KSR2: variants seen among roughly 807,000 people sequenced by gnomAD.
The protein encoded by KSR2 is kinase suppressor of ras 2.
A neutral mutation model predicts 107.8 loss-of-function variants in KSR2; 25 were observed. That is an observed-to-expected ratio of 0.23 (90% CI 0.17 to 0.32). The LOEUF (loss-of-function observed/expected upper bound fraction) is 0.32, where lower values mean the gene tolerates loss of function less well. Among genes scored for constraint, KSR2 ranks in the 10% least tolerant of loss-of-function variants. KSR2 has a pLI of 1.00. For synonymous variants in KSR2, 480 were observed against 507.0 expected, an observed-to-expected ratio of 0.95 and a Z score of 0.71; for missense variants, 887 against 1,268.9, an observed-to-expected ratio of 0.70 and a Z score of 4.57.
chr12:117,950,725 A>G (rs886983070), intron 1 of KSR2, among the ~76,000 whole-genome samples: 1 of 144,404 alleles, frequency 6.9e-6, no homozygotes, highest in African/African-American at 2.6e-5. Flanking sequence ...TGGGTGACAG[A>G]GCAAGACTCT....
intron 4 of KSR2, among the ~76,000 whole-genome samples, chr12:117,745,925 T>C (rs1888390463): frequency 6.6e-6 from 1 of 151,952 alleles, no homozygotes; most frequent in Admixed American, 6.6e-5. Context: ...CTCAAGGAAA[T>C]AGGAGAGGAC....
rs188868609 is a variant in KSR2, at chr12:117,693,048, G to T, written c.987-25390C>A. On this transcript the variant is annotated intron_variant, in intron 4 of 19. Coordinates refer to ENST00000339824, the MANE Select transcript of KSR2 (RefSeq NM_173598.6). ...TTCAGTTTAAAGTGGTCGATCTCAC[G>T]TTATGTGAATTTCCACTTCAATCAT... 3.3e-5 allele frequency among the ~76,000 whole-genome samples: 5 copies of T among 152,282 alleles called. No homozygotes were observed. In the East Asian group the frequency reaches 9.7e-4, roughly 29 times the overall value.
At chr12:117,932,741 A>C (rs140929685) in intron 1 of KSR2, among the ~76,000 whole-genome samples, 4 of 152,042 alleles carry the variant, frequency 2.6e-5, no homozygotes, top group Non-Finnish European at 5.9e-5. Flanking sequence ...GGCCGGGTGC[A>C]GTGGCTCACG....
chr12:117,530,242 A>G (rs563877346), intron 12 of KSR2, among the ~76,000 whole-genome samples: 5 of 152,306 alleles, frequency 3.3e-5, no homozygotes, highest in African/African-American at 1.2e-4. Flanking sequence ...TTTTTAAAGA[A>G]TAGCCCACAT....
At chr12:117,769,346 G>A (rs1419653850) in intron 3 of KSR2, among the ~76,000 whole-genome samples, 1 of 152,074 alleles carries the variant, frequency 6.6e-6, no homozygotes, top group Non-Finnish European at 1.5e-5. Context: ...GGTAATGCAG[G>A]TCTGGAAGAG....
intron 1 of KSR2, among the ~76,000 whole-genome samples, chr12:117,900,021 G>GAGAATGCAGCTGC (rs1894634340): frequency 6.6e-6 from 1 of 152,186 alleles, no homozygotes; most frequent in Non-Finnish European, 1.5e-5. Context: ...CCAGCCTTCA[G>GAGAATGCAGCTGC]ATGAGAATGC....
At chr12:117,778,362 AT>A (rs2136936604) in intron 3 of KSR2, among the ~76,000 whole-genome samples, 1 of 152,272 alleles carries the variant, frequency 6.6e-6, no homozygotes, top group African/African-American at 2.4e-5. Context: ...TAGTGCTGGG[AT>A]TACAGGAGTG....
chr12:117,896,913 G>A (rs1894531123), intron 1 of KSR2, among the ~76,000 whole-genome samples: 1 of 152,158 alleles, frequency 6.6e-6, no homozygotes, highest in Non-Finnish European at 1.5e-5. Context: ...AAAATGGGTA[G>A]GCAGTCGTCA....
intron 1 of KSR2, among the ~76,000 whole-genome samples, chr12:117,881,303 T>C (rs188731062): frequency 1.2e-4 from 18 of 151,886 alleles, no homozygotes; most frequent in Non-Finnish European, 2.4e-4. Flanking sequence ...TTGTTTTGGT[T>C]TGTTTGAGGG....
At chr12:117,913,422 C>T (rs1895084227) in intron 1 of KSR2, among the ~76,000 whole-genome samples, 1 of 152,106 alleles carries the variant, frequency 6.6e-6, no homozygotes. Flanking sequence ...ATACCATCTC[C>T]CCCAAATTTA....
At chr12:117,670,522 C>G (rs940957000) in intron 4 of KSR2, among the ~76,000 whole-genome samples, 3 of 152,194 alleles carry the variant, frequency 2.0e-5, no homozygotes, top group African/African-American at 7.2e-5. Context: ...AACCCTACAT[C>G]ATCACCCACC....
chr12:117,643,042 C>T (rs2136410703), intron 5 of KSR2, among the ~76,000 whole-genome samples: 1 of 152,264 alleles, frequency 6.6e-6, no homozygotes, highest in South Asian at 2.1e-4. Flanking sequence ...TTTAAAATGC[C>T]AATCTAGAGA....
At chr12:117,616,387 G>C (rs1168906121) in intron 5 of KSR2, among the ~76,000 whole-genome samples, 1 of 152,102 alleles carries the variant, frequency 6.6e-6, no homozygotes, top group Non-Finnish European at 1.5e-5. Flanking sequence ...ATTTCGCATG[G>C]CTGTTCAATA....
At chr12:117,533,192 T>C (rs535034517) in intron 10 of KSR2, among the ~76,000 whole-genome samples, 30 of 152,382 alleles carry the variant, frequency 2.0e-4, no homozygotes, top group African/African-American at 6.7e-4. Context: ...GAATGATTTA[T>C]AGCCACGAGA....
Position 117,539,100 on chromosome 12 carries a change from G to A in KSR2, c.1687+619C>T, listed in dbSNP as rs114928819. On this transcript the variant is annotated intron_variant, in intron 10 of 19. Transcript: ENST00000339824. ...GCATACTCTCTGGTCAACAGTCCAG[G>A]TACCTTGGAATTCCTGAGCTAGAGG... 4.6e-3 allele frequency among the ~76,000 whole-genome samples: 694 copies of A among 152,328 alleles called. 7 individuals carry two copies. The highest frequency in any genetic ancestry group is 0.015 in the African/African-American group (636 of 41,564).
Position 117,476,530 on chromosome 12 carries a change from T to C in KSR2, c.2516A>G (p.Gln839Arg). The part of the protein sequence containing the change: ...LCHLAPEIIR[Q>R]LSPDTEEDKL... ...ATCCTCCTCTGTGTCGGGGGACAGCTGGCGGATGATCTCTGGTGCCAGGTG... is the reference window on the plus strand; with the variant it reads ...ATCCTCCTCTGTGTCGGGGGACAGCCGGCGGATGATCTCTGGTGCCAGGTG... The change falls in exon 17 of 20, where the codon CAG becomes CGG. Residue 839 changes from glutamine (Q) to arginine (R), a missense_variant. Transcript: ENST00000339824. The C allele has an allele frequency of 6.2e-7, 1 of 1,610,322 alleles. No homozygotes were observed. The highest frequency in any genetic ancestry group is 8.5e-7 in the Non-Finnish European group (1 of 1,178,478).
At chr12:117,930,004 T>A (rs1349204035) in intron 1 of KSR2, among the ~76,000 whole-genome samples, 1 of 152,124 alleles carries the variant, frequency 6.6e-6, no homozygotes, top group Non-Finnish European at 1.5e-5. Context: ...TAAATGATAA[T>A]GATGAAGTAA....
chr12:117,852,395 T>C (rs568639558), intron 3 of KSR2, among the ~76,000 whole-genome samples: 8 of 151,964 alleles, frequency 5.3e-5, no homozygotes, highest in African/African-American at 1.9e-4. Flanking sequence ...ACCACTGCAC[T>C]CCAGCCTGGG....
At chr12:117,528,667 C>A (rs1429717719) in intron 12 of KSR2, among the ~76,000 whole-genome samples, 2 of 152,194 alleles carry the variant, frequency 1.3e-5, no homozygotes, top group Non-Finnish European at 2.9e-5. Context: ...TGGAATGAAC[C>A]TGCACGATGA....
Sources: gnomAD v4.1 joint callset for allele counts (sites outside exome capture counted in the v4.1 genomes callset) on GRCh38, gnomAD v4.1.1 for gene constraint, MANE v1.5 for transcripts, NCBI Gene and HGNC (gene_info 2026-07-23, HGNC 2026-07-21) for gene names.